Variants in PLA2G4C observed in about 807,000 individuals in gnomAD.
The protein encoded by PLA2G4C is phospholipase A2 group IVC.
Under a neutral mutation model 73.8 loss-of-function variants are expected in PLA2G4C, and 64 were observed. The ratio of observed to expected loss-of-function variants is 0.87; its 90% confidence interval spans 0.71 to 1.07. The LOEUF (loss-of-function observed/expected upper bound fraction) is 1.07, where lower values mean the gene tolerates loss of function less well. PLA2G4C is among the 50% of genes least tolerant of loss of function. The probability of loss-of-function intolerance (pLI) is 0.00; values close to 1 mark genes in which losing one functional copy is unlikely to be tolerated. For missense variants in PLA2G4C, 622 were observed against 665.4 expected (o/e 0.93, Z 0.72); for synonymous variants, 254 against 252.1 (o/e 1.01, Z -0.07).
chr19:48,089,299 C>T (rs746076412), intron 8 of PLA2G4C, among the ~76,000 whole-genome samples: 18 of 152,172 alleles, frequency 1.2e-4, no homozygotes, highest in Admixed American at 2.6e-4. Flanking sequence ...CGGTGGTGCG[C>T]GCCTGTAGTC....
intron 12 of PLA2G4C, among the ~76,000 whole-genome samples, chr19:48,068,388 G>A (rs926173836): frequency 7.9e-5 from 12 of 151,856 alleles, no homozygotes; most frequent in African/African-American, 2.2e-4. Flanking sequence ...ATAGGACTGG[G>A]GTCTTTATGA....
In PLA2G4C at chr19:48,100,063, A is replaced by G. The variant is rs1028265122; in HGVS notation, c.258-203T>C. On this transcript the variant is annotated intron_variant, in intron 4 of 16. Transcript: ENST00000599921. The stretch of plus-strand genomic sequence containing the variant: ...GGAGGACTCAAAATCATCTGGGACA[A>G]TCCTTCCATTTCACAGGCAGGAAAA... 1.2e-4 allele frequency: 56 copies of G among 481,654 alleles called. No homozygotes were observed. The South Asian group carries it at 1.4e-3, about 12-fold the overall frequency. The allele number at this position is 481,654 out of a possible 1,614,324, so 29.8% of individuals were successfully genotyped here.
intron 14 of PLA2G4C, 64 bp from the exon 15 acceptor site, chr19:48,055,113 T>C (rs11564644): frequency 3.5e-6 from 5 of 1,429,924 alleles, no homozygotes; most frequent in Middle Eastern, 2.6e-4. Context: ...AGAAGACCCC[T>C]GGGGCCTGGA....
At chr19:48,101,087 G>C (rs1255672315) in intron 4 of PLA2G4C, among the ~76,000 whole-genome samples, 1 of 142,170 alleles carries the variant, frequency 7.0e-6, no homozygotes, top group Non-Finnish European at 1.5e-5. Flanking sequence ...CAAGGGAGCT[G>C]GTGTGTCACA....
At chr19:48,087,264 C>G (rs1218313251) in intron 9 of PLA2G4C, among the ~76,000 whole-genome samples, 1 of 152,146 alleles carries the variant, frequency 6.6e-6, no homozygotes, top group Non-Finnish European at 1.5e-5. Context: ...CAGCTCTAAC[C>G]CAACCATCAG....
At chr19:48,095,076 C>T (rs2031497204) in intron 7 of PLA2G4C, among the ~76,000 whole-genome samples, 1 of 152,070 alleles carries the variant, frequency 6.6e-6, no homozygotes, top group South Asian at 2.1e-4. Flanking sequence ...TGTGTAGAGA[C>T]ACAGTGTTGC....
chr19:48,097,244 CTTTTTTCTTTTT>C (rs2031629439), intron 6 of PLA2G4C: 1 of 66,636 alleles, frequency 1.5e-5, no homozygotes, highest in Non-Finnish European at 2.6e-5. Flanking sequence ...TTACTTTTTT[CTTTTTTCTTTTT>C]TTTTTTTTTT....
intron 13 of PLA2G4C, chr19:48,063,778 C>T (rs1473846860): frequency 6.6e-6 from 1 of 151,538 alleles, no homozygotes; most frequent in African/African-American, 2.4e-5. Context: ...ATTTAATATC[C>T]ACCCAGAGCT....
intron 10 of PLA2G4C, among the ~76,000 whole-genome samples, chr19:48,079,493 T>G (rs1478305228): frequency 6.6e-6 from 1 of 152,186 alleles, no homozygotes; most frequent in Non-Finnish European, 1.5e-5. Context: ...AACTCGATCC[T>G]TATTTCTCAC....
intron 9 of PLA2G4C, among the ~76,000 whole-genome samples, chr19:48,085,317 A>G (rs1160156547): frequency 1.3e-5 from 2 of 152,156 alleles, no homozygotes; most frequent in African/African-American, 4.8e-5. Flanking sequence ...AGTAAACAAG[A>G]CAGATTTGTC....
chr19:48,097,410 G>A (rs1173027855), intron 6 of PLA2G4C, among the ~76,000 whole-genome samples: 8 of 150,532 alleles, frequency 5.3e-5, no homozygotes, highest in Non-Finnish European at 7.4e-5. Flanking sequence ...CCGCCGCCAC[G>A]CCCAGCTAAT....
intron 12 of PLA2G4C, among the ~76,000 whole-genome samples, chr19:48,069,289 C>T (rs1204509097): frequency 6.6e-6 from 1 of 152,112 alleles, no homozygotes; most frequent in African/African-American, 2.4e-5. Context: ...GTATGATCAC[C>T]TGTGTATCTG....
At position 48,072,645 on chromosome 19, in the gene PLA2G4C, G is replaced by C. The variant is rs980961201; in HGVS notation, c.1006+2122C>G. 6.6e-6 allele frequency: 1 copy of C among 152,318 alleles called. No homozygotes were observed. 9.4% of individuals were successfully genotyped at this position (152,318 alleles called of 1,614,324 possible). A position where few individuals can be genotyped will look rare whatever the true frequency, so the allele number is the denominator to read the frequency against. ...GCCAACAATAGCTCAGAGACATCAA[G>C]TTAATAGTCGGCTCCCTCTTTAAAT... is the stretch of plus-strand genomic sequence containing the variant. On this transcript the variant is annotated intron_variant, in intron 12 of 16. Transcript: ENST00000599921. This position sits in a 1 kb window ranked among gnomAD's most constrained non-coding sequence, Gnocchi z 4.4.
chr19:48,054,779 C>G (rs1600147399), intron 15 of PLA2G4C, 99 bp downstream of exon 15: 3 of 1,163,160 alleles, frequency 2.6e-6, no homozygotes, highest in Non-Finnish European at 3.8e-6. Flanking sequence ...ATTAAACCTT[C>G]TTCCTTTGTA....
intron 15 of PLA2G4C, among the ~76,000 whole-genome samples, chr19:48,053,678 C>T (rs1431973491): frequency 6.6e-6 from 1 of 151,874 alleles, no homozygotes; most frequent in African/African-American, 2.4e-5. Context: ...TGGCCCCCTG[C>T]TTCCTGTCTT....
chr19:48,097,553 C>CT (rs1414027995), intron 6 of PLA2G4C, among the ~76,000 whole-genome samples: 1 of 151,496 alleles, frequency 6.6e-6, no homozygotes, highest in East Asian at 2.0e-4. Flanking sequence ...CGCCCGGCCC[C>CT]TTTTTGTCTT....
intron 4 of PLA2G4C, among the ~76,000 whole-genome samples, chr19:48,101,674 C>CTTTTTT (rs71181648): frequency 0.075 from 9,881 of 131,312 alleles, 490 homozygotes; most frequent in Non-Finnish European, 0.11. Flanking sequence ...CCTTTAATAT[C>CTTTTTT]TTTTTTTTTT....
At chr19:48,098,752 A>AAAAT (rs2031744233) in intron 5 of PLA2G4C, among the ~76,000 whole-genome samples, 1 of 117,240 alleles carries the variant, frequency 8.5e-6, no homozygotes. Flanking sequence ...AAAAAAAAAA[A>AAAAT]TTTGTCAGGC....
chr19:48,058,063 C>G (rs1310002941), intron 14 of PLA2G4C, among the ~76,000 whole-genome samples: 1 of 151,678 alleles, frequency 6.6e-6, no homozygotes. Flanking sequence ...CTTTGGGAGG[C>G]TGAGGTGGGC....
Sources: gnomAD v4.1 joint callset for allele counts (sites outside exome capture counted in the v4.1 genomes callset) on GRCh38, gnomAD v4.1.1 for gene constraint, Gnocchi (gnomAD v3.1) non-coding constraint, MANE v1.5 for transcripts, NCBI Gene and HGNC (gene_info 2026-07-23, HGNC 2026-07-21) for gene names.